FAM81A: variants seen among roughly 807,000 people sequenced by gnomAD.
FAM81A encodes the protein family with sequence similarity 81 member A.
FAM81A carries 19 observed loss-of-function variants against 46.7 expected under a neutral mutation model. The ratio of observed to expected loss-of-function variants is 0.41; its 90% confidence interval spans 0.28 to 0.60. The LOEUF (loss-of-function observed/expected upper bound fraction) is 0.60, where lower values mean the gene tolerates loss of function less well. FAM81A is among the 20% of genes least tolerant of loss of function. The pLI is 0.34. For synonymous variants in FAM81A, 183 were observed against 152.9 expected (o/e 1.20, Z -1.45); for missense variants, 377 against 453.5 (o/e 0.83, Z 1.53).
intron 2 of FAM81A, among the ~76,000 whole-genome samples, chr15:59,431,326 C>T (rs568728929): frequency 1.1e-4 from 17 of 152,188 alleles, no homozygotes; most frequent in African/African-American, 3.9e-4. Context: ...CCTCTGCCTC[C>T]TGGGTTCAAG....
chr15:59,501,753 T>C (rs187305053), intron 4 of FAM81A, among the ~76,000 whole-genome samples: 350 of 152,282 alleles, frequency 2.3e-3, no homozygotes, highest in Admixed American at 5.1e-3. Context: ...AACAGCTGTC[T>C]AAAGACCCAA....
rs71119468 is a variant in FAM81A, at chr15:59,398,759, G to GAAA, written c.-160-3490_-160-3488dup. Among the ~76,000 whole-genome samples, 48 of 41,412 alleles carry GAAA rather than the reference G, an allele frequency of 1.2e-3. 4 individuals carry two copies. The highest frequency in any genetic ancestry group is 3.9e-3 in the Admixed American group (9 of 2,310). 27.2% of individuals were successfully genotyped at this position (41,412 alleles called of 152,430 possible). On this transcript the variant is annotated intron_variant, in intron 1 of 4. Transcript: ENST00000558348. ...GGCAACAGAGTGAGACTCTGTCTCA[G>GAAA]AAAAAAAAAAAAAAAAAAAAAAAAA...
chr15:59,404,295 A>G (rs777573227), intron 2 of FAM81A, among the ~76,000 whole-genome samples: 1 of 152,162 alleles, frequency 6.6e-6, no homozygotes, highest in Non-Finnish European at 1.5e-5. Flanking sequence ...AAGATCCATC[A>G]GGAAGAGAAA....
intron 2 of FAM81A, among the ~76,000 whole-genome samples, chr15:59,425,997 A>C (rs1472264564): frequency 6.6e-6 from 1 of 152,210 alleles, no homozygotes; most frequent in Non-Finnish European, 1.5e-5. Context: ...AGTTATTAAA[A>C]TATATTTGGA....
chr15:59,405,009 G>A (rs1348944922), intron 2 of FAM81A, among the ~76,000 whole-genome samples: 1 of 152,112 alleles, frequency 6.6e-6, no homozygotes, highest in East Asian at 1.9e-4. Flanking sequence ...CAAACCCAGG[G>A]CCTTTGCATG....
intron 1 of FAM81A, among the ~76,000 whole-genome samples, chr15:59,441,680 C>T (rs914027866): frequency 1.3e-5 from 2 of 152,324 alleles, no homozygotes; most frequent in South Asian, 2.1e-4. Context: ...TTCCTTGGTC[C>T]CTGCCCTGCG....
chr15:59,407,455 C>T (rs542733101), intron 2 of FAM81A, among the ~76,000 whole-genome samples: 30 of 152,104 alleles, frequency 2.0e-4, no homozygotes, highest in Non-Finnish European at 3.7e-4. Flanking sequence ...CCACCACGCC[C>T]GGGTAATTGT....
chr15:59,477,129 A>G (rs568103313), intron 3 of FAM81A, among the ~76,000 whole-genome samples: 50 of 152,072 alleles, frequency 3.3e-4, no homozygotes, highest in Middle Eastern at 3.4e-3. Context: ...CAAAAAAAAA[A>G]AAAGCAAAAA....
intron 6 of FAM81A, among the ~76,000 whole-genome samples, chr15:59,514,007 A>G (rs1376803254): frequency 1.3e-5 from 2 of 152,076 alleles, no homozygotes; most frequent in East Asian, 1.9e-4. Context: ...GTTCTTACTT[A>G]TAAGTGGGAG....
intron 4 of FAM81A, among the ~76,000 whole-genome samples, chr15:59,503,037 T>TC (rs1352206459): frequency 6.6e-6 from 1 of 152,022 alleles, no homozygotes; most frequent in African/African-American, 2.4e-5. Context: ...GGTCAGGAGT[T>TC]CTGAGACCAG....
chr15:59,522,458 A>G lies in FAM81A; in HGVS notation c.*1080A>G, dbSNP rs1567082945. Reference sequence around the variant, plus strand: ...AATCATTCAGTATTACTAATGGAATAGAAATTCATACTTTTGTATGGACAA... The same window carrying G: ...AATCATTCAGTATTACTAATGGAATGGAAATTCATACTTTTGTATGGACAA... On this transcript the variant is annotated 3_prime_UTR_variant, in exon 9 of 9. Transcript: ENST00000288228. 6.6e-6 allele frequency: 1 copy of G among 152,560 alleles called. No individual in the cohort carries two copies. Among genetic ancestry groups the G allele is most frequent in the East Asian group, 1.9e-4 (1 of 5,204 alleles). The allele number at this position is 152,560 out of a possible 1,614,324, so 9.5% of individuals were successfully genotyped here.
chr15:59,465,316 A>C (rs772768825), intron 3 of FAM81A, among the ~76,000 whole-genome samples: 5 of 152,290 alleles, frequency 3.3e-5, no homozygotes, highest in South Asian at 4.2e-4. Flanking sequence ...TCTTTTGCCC[A>C]GGCTAGAGTG....
In FAM81A at chr15:59,459,956, A is replaced by G; in HGVS notation, c.44A>G (p.His15Arg). The G allele has an allele frequency of 1.2e-6, 2 of 1,607,560 alleles. No individual in the cohort carries two copies. The highest frequency in any genetic ancestry group is 1.7e-6 in the Non-Finnish European group (2 of 1,176,266). The change falls in exon 3 of 9, where the codon CAC (histidine) becomes CGC (arginine). Residue 15 changes from histidine (H) to arginine (R), a missense_variant. By Grantham distance (29) the His-to-Arg change is conservative. Transcript: ENST00000288228. Reference sequence around the variant, plus strand: ...AGGCGAGTGAGAACCATGCCCCGACACAGCCAGTCCCTGACCATGGCACCA... The same window carrying G: ...AGGCGAGTGAGAACCATGCCCCGACGCAGCCAGTCCCTGACCATGGCACCA... ...HLRRVRTMPR[H>R]SQSLTMAPYS...
At chr15:59,490,855 A>G (rs1370841920) in intron 3 of FAM81A, among the ~76,000 whole-genome samples, 2 of 152,118 alleles carry the variant, frequency 1.3e-5, no homozygotes, top group African/African-American at 2.4e-5. Flanking sequence ...AAACAAAACT[A>G]CAATGAGATA....
At chr15:59,491,649 T>C (rs944002151) in intron 3 of FAM81A, among the ~76,000 whole-genome samples, 2 of 152,138 alleles carry the variant, frequency 1.3e-5, no homozygotes, top group Admixed American at 6.6e-5. Context: ...TTATTACACA[T>C]TGCATGCCTG....
At chr15:59,455,099 C>T (rs1236572817) in intron 1 of FAM81A, among the ~76,000 whole-genome samples, 1 of 150,124 alleles carries the variant, frequency 6.7e-6, no homozygotes, top group Non-Finnish European at 1.5e-5. Flanking sequence ...TGGCATTTCA[C>T]CATATTGCCC....
chr15:59,449,158 T>C (rs1321622844), intron 1 of FAM81A, among the ~76,000 whole-genome samples: 1 of 152,188 alleles, frequency 6.6e-6, no homozygotes, highest in Non-Finnish European at 1.5e-5. Context: ...GAATTCCAAT[T>C]TCATGGTCCT....
chr15:59,470,695 G>A (rs1226680860), intron 3 of FAM81A, among the ~76,000 whole-genome samples: 1 of 152,106 alleles, frequency 6.6e-6, no homozygotes, highest in South Asian at 2.1e-4. Context: ...ACCTTCTGAA[G>A]CCTACTTCTG....
chr15:59,506,303 G>A (rs1164214716), intron 4 of FAM81A, among the ~76,000 whole-genome samples: 1 of 152,080 alleles, frequency 6.6e-6, no homozygotes, highest in Non-Finnish European at 1.5e-5. Flanking sequence ...AGAAGATGAA[G>A]AAGTCATAGG....
Sources: gnomAD v4.1 joint callset for allele counts (sites outside exome capture counted in the v4.1 genomes callset) on GRCh38, gnomAD v4.1.1 for gene constraint, MANE v1.5 for transcripts, NCBI Gene and HGNC (gene_info 2026-07-23, HGNC 2026-07-21) for gene names.